Variants in CPEB3 observed in about 807,000 individuals in gnomAD.
CPEB3 encodes cytoplasmic polyadenylation element-binding protein 3.
A neutral mutation model predicts 67.2 loss-of-function variants in CPEB3; 20 were observed. The ratio of observed to expected loss-of-function variants is 0.30; its 90% CI spans 0.21 to 0.43. The LOEUF (loss-of-function observed/expected upper bound fraction) is 0.43, where lower values mean the gene tolerates loss of function less well. CPEB3 is among the 20% of genes least tolerant of loss of function. The pLI, the probability that CPEB3 is intolerant of heterozygous loss-of-function variation, is 1.00. For synonymous variants in CPEB3, 376 were observed against 393.1 expected, an observed-to-expected ratio of 0.96 and a Z score of 0.51; for missense variants, 746 against 968.6, an observed-to-expected ratio of 0.77 and a Z score of 3.05.
intron 8 of CPEB3, among the ~76,000 whole-genome samples, chr10:92,088,518 CT>C (rs1001871603): frequency 3.9e-5 from 6 of 152,028 alleles, no homozygotes; most frequent in African/African-American, 1.4e-4. Context: ...AATAGGTTGC[CT>C]TTTTTCTTTA....
At chr10:92,061,068 G>A (rs1275900670) in intron 9 of CPEB3, among the ~76,000 whole-genome samples, 2 of 152,200 alleles carry the variant, frequency 1.3e-5, no homozygotes, top group Admixed American at 6.5e-5. Context: ...GCACTCCTAT[G>A]TTTGTTGCAG....
intron 2 of CPEB3, among the ~76,000 whole-genome samples, chr10:92,201,128 C>CAT (rs1252810475): frequency 6.6e-6 from 1 of 152,110 alleles, no homozygotes; most frequent in African/African-American, 2.4e-5. Context: ...AGTGATTATA[C>CAT]AGCTTAGCAG....
chr10:92,098,246 A>G (rs1473438377), intron 7 of CPEB3, among the ~76,000 whole-genome samples: 2 of 146,976 alleles, frequency 1.4e-5, no homozygotes, highest in African/African-American at 5.0e-5. Flanking sequence ...AATTATTTCC[A>G]TAGACCCCAT....
intron 9 of CPEB3, 43 bp downstream of exon 9, chr10:92,081,277 T>A: frequency 6.2e-7 from 1 of 1,609,066 alleles, no homozygotes; most frequent in East Asian, 2.2e-5. Context: ...AGAACAAACT[T>A]CTTTTCTCTC....
intron 1 of CPEB3, among the ~76,000 whole-genome samples, chr10:92,241,829 C>T (rs139321224): frequency 2.6e-4 from 39 of 152,228 alleles, no homozygotes; most frequent in African/African-American, 8.9e-4. Context: ...GTTAAAGGGG[C>T]ATATGACCAA....
intron 2 of CPEB3, among the ~76,000 whole-genome samples, chr10:92,206,184 G>A (rs1849780717): frequency 6.6e-6 from 1 of 150,760 alleles, no homozygotes; most frequent in South Asian, 2.1e-4. Context: ...AGATTCTCCT[G>A]CCTCAGCCTC....
intron 1 of CPEB3, among the ~76,000 whole-genome samples, chr10:92,285,485 G>A (rs1842487462): frequency 6.6e-6 from 1 of 152,096 alleles, no homozygotes; most frequent in Admixed American, 6.5e-5. Flanking sequence ...TGGCCAGGCT[G>A]GTCTCGAACT....
chr10:92,096,761 C>T (rs1222297864), intron 7 of CPEB3, among the ~76,000 whole-genome samples: 2 of 152,174 alleles, frequency 1.3e-5, no homozygotes, highest in African/African-American at 2.4e-5. Flanking sequence ...TTGGCCAACA[C>T]GGTAAAACCT....
chr10:92,263,317 C>A (rs1260563650), intron 1 of CPEB3, among the ~76,000 whole-genome samples: 2 of 152,200 alleles, frequency 1.3e-5, no homozygotes, highest in African/African-American at 4.8e-5. Flanking sequence ...CTCAAGTGAT[C>A]CGCCCAACTT....
chr10:92,142,358 C>T (rs756068795), intron 6 of CPEB3, among the ~76,000 whole-genome samples: 2 of 152,144 alleles, frequency 1.3e-5, no homozygotes, highest in Non-Finnish European at 2.9e-5. Context: ...ACCTTTAACC[C>T]AAAACATTCT....
chr10:92,111,331 T>TTG (rs2133485848), intron 6 of CPEB3, 137 bp from the exon 7 acceptor site: 1 of 686,820 alleles, frequency 1.5e-6, no homozygotes, highest in South Asian at 1.7e-5. Flanking sequence ...CAAAGGGACT[T>TTG]TGTCCAGGAA....
chr10:92,250,670 A>G (rs1016258882), intron 1 of CPEB3, among the ~76,000 whole-genome samples: 1 of 151,772 alleles, frequency 6.6e-6, no homozygotes, highest in Admixed American at 6.6e-5. Flanking sequence ...CTTTTTTAAT[A>G]TATGTATCCT....
chr10:92,066,587 AG>A (rs1383032856), intron 9 of CPEB3, among the ~76,000 whole-genome samples: 2 of 152,144 alleles, frequency 1.3e-5, no homozygotes, highest in Non-Finnish European at 2.9e-5. Context: ...GTGTGCTAAA[AG>A]GTTTTAAACA....
intron 2 of CPEB3, among the ~76,000 whole-genome samples, chr10:92,203,337 GATA>G (rs1849605997): frequency 7.1e-6 from 1 of 141,200 alleles, no homozygotes; most frequent in African/African-American, 2.6e-5. Flanking sequence ...CATAAGAGAT[GATA>G]TATATATATA....
At chr10:92,284,609 G>A (rs1169951692) in intron 1 of CPEB3, among the ~76,000 whole-genome samples, 1 of 151,814 alleles carries the variant, frequency 6.6e-6, no homozygotes, top group Non-Finnish European at 1.5e-5. Context: ...GCTTTTCTTG[G>A]GGCCTCGGTA....
At position 92,049,839 on chromosome 10, in the gene CPEB3, T is replaced by A. The variant is rs1426989330; in HGVS notation, c.*2373A>T. 6.6e-6 allele frequency: 1 copy of A among 152,602 alleles called. No homozygotes were observed. Among genetic ancestry groups the A allele is most frequent in the Admixed American group, 6.5e-5 (1 of 15,282 alleles). The allele number at this position is 152,602 out of a possible 1,614,324, so 9.5% of individuals were successfully genotyped here. ...GTAGATTTCTGTAGGTTAGATATGA[T>A]CTTTAATATTATAGTTATAAAGCTC... On this transcript the variant is annotated 3_prime_UTR_variant, in exon 10 of 10. Coordinates refer to ENST00000265997, the MANE Select transcript of CPEB3 (RefSeq NM_014912.5).
At chr10:92,091,256 C>G (rs1590114033) in intron 8 of CPEB3, among the ~76,000 whole-genome samples, 1 of 152,056 alleles carries the variant, frequency 6.6e-6, no homozygotes, top group East Asian at 1.9e-4. Flanking sequence ...CTAAGTGCTT[C>G]AAAAACTTAG....
intron 2 of CPEB3, among the ~76,000 whole-genome samples, chr10:92,226,161 T>G (rs371556980): frequency 7.2e-5 from 11 of 152,214 alleles, no homozygotes; most frequent in Non-Finnish European, 5.9e-5. Context: ...CCCTCTCAAG[T>G]TTTAAATAGT....
At chr10:92,168,488 T>C (rs1460271053) in intron 4 of CPEB3, among the ~76,000 whole-genome samples, 1 of 152,318 alleles carries the variant, frequency 6.6e-6, no homozygotes, top group East Asian at 1.9e-4. Context: ...GGTTTGACTA[T>C]GTCCCCACCC....
Sources: gnomAD v4.1 joint callset for allele counts (sites outside exome capture counted in the v4.1 genomes callset) on GRCh38, gnomAD v4.1.1 for gene constraint, MANE v1.5 for transcripts, NCBI Gene and HGNC (gene_info 2026-07-23, HGNC 2026-07-21) for gene names.